Variants in EPC2 observed in about 807,000 individuals in gnomAD.
EPC2 encodes enhancer of polycomb homolog 2.
A neutral mutation model predicts 92.1 loss-of-function variants in EPC2; 14 were observed. The observed-to-expected ratio is 0.15, with a 90% confidence interval of 0.10 to 0.24. EPC2 has a LOEUF of 0.24. Among genes scored for constraint, EPC2 ranks in the 10% least tolerant of loss-of-function variants. The pLI, the probability that EPC2 is intolerant of heterozygous loss-of-function variation, is 1.00. For synonymous variants in EPC2, 340 were observed against 334.7 expected (o/e 1.02, Z -0.17); for missense variants, 755 against 971.5 (o/e 0.78, Z 2.96).
chr2:148,763,535 A>G (rs1164511414), intron 6 of EPC2, among the ~76,000 whole-genome samples: 2 of 152,216 alleles, frequency 1.3e-5, no homozygotes, highest in Non-Finnish European at 2.9e-5. Context: ...AAATTTTTTA[A>G]ATGACCTAGG....
At chr2:148,763,983 T>G (rs1041169402) in intron 6 of EPC2, among the ~76,000 whole-genome samples, 7 of 152,224 alleles carry the variant, frequency 4.6e-5, no homozygotes, top group Non-Finnish European at 8.8e-5. Flanking sequence ...TTGCATCCAT[T>G]GTTGTCCTAC....
intron 2 of EPC2, among the ~76,000 whole-genome samples, chr2:148,729,310 G>A (rs942253732): frequency 3.3e-5 from 5 of 152,042 alleles, no homozygotes; most frequent in African/African-American, 1.2e-4. Flanking sequence ...ATACCTCAGA[G>A]TAGTATTTTT....
At chr2:148,770,192 A>G (rs1208622928) in intron 8 of EPC2, among the ~76,000 whole-genome samples, 1 of 152,058 alleles carries the variant, frequency 6.6e-6, no homozygotes, top group Non-Finnish European at 1.5e-5. Flanking sequence ...GGCGCATACC[A>G]CTACATGCTG....
At chr2:148,753,846 A>C in intron 3 of EPC2, 81 bp from the exon 4 acceptor site, 3 of 1,243,464 alleles carry the variant, frequency 2.4e-6, no homozygotes, top group Non-Finnish European at 3.3e-6. Context: ...AACTGGTCGC[A>C]TTTTTTTCTA....
At chr2:148,747,637 C>CT (rs1683010613) in intron 3 of EPC2, among the ~76,000 whole-genome samples, 1 of 152,044 alleles carries the variant, frequency 6.6e-6, no homozygotes, top group Admixed American at 6.6e-5. Context: ...TTAAGGTTAC[C>CT]AGTGGTCTCC....
At chr2:148,669,239 C>T (rs1681109536) in intron 1 of EPC2, among the ~76,000 whole-genome samples, 1 of 152,008 alleles carries the variant, frequency 6.6e-6, no homozygotes, top group South Asian at 2.1e-4. Flanking sequence ...GGTTTTGTTC[C>T]CCTCTCCCTC....
intron 1 of EPC2, among the ~76,000 whole-genome samples, chr2:148,666,970 ACT>A (rs1681068788): frequency 6.6e-6 from 1 of 151,968 alleles, no homozygotes; most frequent in Non-Finnish European, 1.5e-5. Context: ...ATAAGTCTAA[ACT>A]CTCTTAGAGT....
At chr2:148,773,682 G>GA (rs1244081230) in intron 10 of EPC2, among the ~76,000 whole-genome samples, 1 of 151,872 alleles carries the variant, frequency 6.6e-6, no homozygotes, top group African/African-American at 2.4e-5. Flanking sequence ...AATACATAAT[G>GA]AAAAAAGTTT....
intron 2 of EPC2, among the ~76,000 whole-genome samples, chr2:148,702,868 T>A (rs531866003): frequency 6.6e-6 from 1 of 152,258 alleles, no homozygotes; most frequent in East Asian, 1.9e-4. Flanking sequence ...CAGGCTATCA[T>A]TAGTGTATTT....
chr2:148,678,275 T>C (rs1574576837), intron 1 of EPC2, among the ~76,000 whole-genome samples: 1 of 152,180 alleles, frequency 6.6e-6, no homozygotes, highest in African/African-American at 2.4e-5. Flanking sequence ...GTATTTACAA[T>C]CCCTGAGCTA....
chr2:148,729,481 C>G lies in EPC2; in HGVS notation c.314-14141C>G, dbSNP rs1006763180. 5.9e-5 allele frequency among the ~76,000 whole-genome samples: 9 copies of G among 152,058 alleles called. No homozygotes were observed. In the East Asian group the frequency reaches 1.5e-3, roughly 26 times the overall value. ...AGAAGTACATTATTATTAACTAAAC[C>G]CCAGACTTTACTTGAATTTCTCTCA... is the stretch of plus-strand genomic sequence containing the variant. On this transcript the variant is annotated intron_variant, in intron 2 of 13. Coordinates refer to ENST00000258484, the MANE Select transcript of EPC2 (RefSeq NM_015630.4).
At chr2:148,667,452 GA>G (rs1367571745) in intron 1 of EPC2, among the ~76,000 whole-genome samples, 1 of 152,174 alleles carries the variant, frequency 6.6e-6, no homozygotes, top group Non-Finnish European at 1.5e-5. Context: ...AATTACAGTA[GA>G]TTTTTTTGTG....
At position 148,674,576 on chromosome 2, in the gene EPC2, C is replaced by T. The variant is rs560252562; in HGVS notation, c.154-15638C>T. ...TGAGCCCAATTCTGTTCTCAGTGGACCCCAGGTATCCAAAGTATACCAGTC... is the reference window on the plus strand; with the variant it reads ...TGAGCCCAATTCTGTTCTCAGTGGATCCCAGGTATCCAAAGTATACCAGTC... On this transcript the variant is annotated intron_variant, in intron 1 of 13. Transcript: ENST00000258484. Among the ~76,000 whole-genome samples, 17 of 152,286 alleles carry T rather than the reference C, an allele frequency of 1.1e-4. No homozygotes were observed. The South Asian group carries it at 3.3e-3, about 30-fold the overall frequency.
At chr2:148,661,551 G>C (rs1329009105) in intron 1 of EPC2, among the ~76,000 whole-genome samples, 1 of 152,138 alleles carries the variant, frequency 6.6e-6, no homozygotes, top group Non-Finnish European at 1.5e-5. Flanking sequence ...GTGTTAAATA[G>C]TAGTGGAGAT....
intron 3 of EPC2, among the ~76,000 whole-genome samples, chr2:148,748,006 G>T (rs1403842386): frequency 1.3e-5 from 2 of 152,100 alleles, no homozygotes. Flanking sequence ...GTGATCTCCA[G>T]TGTTTGTGGA....
At chr2:148,681,706 G>T (rs1681400933) in intron 1 of EPC2, among the ~76,000 whole-genome samples, 1 of 151,904 alleles carries the variant, frequency 6.6e-6, no homozygotes, top group South Asian at 2.1e-4. Flanking sequence ...AGGTTTGTTT[G>T]TTTGTTTGTT....
chr2:148,676,777 GCTCTCT>G (rs10559609), intron 1 of EPC2, among the ~76,000 whole-genome samples: 32,005 of 144,716 alleles, frequency 0.22, 4,259 homozygotes, highest in East Asian at 0.52. Context: ...ACATTTAGGT[GCTCTCT>G]CTCTCTCTCT....
intron 10 of EPC2, among the ~76,000 whole-genome samples, chr2:148,774,115 C>T (rs1168867914): frequency 3.3e-5 from 5 of 152,104 alleles, no homozygotes; most frequent in Non-Finnish European, 7.4e-5. Context: ...CTGAATTGTC[C>T]ATTTCACAGC....
intron 10 of EPC2, among the ~76,000 whole-genome samples, chr2:148,773,407 T>C (rs1347426660): frequency 1.3e-5 from 2 of 152,138 alleles, no homozygotes; most frequent in African/African-American, 2.4e-5. Flanking sequence ...TGATTTTTCC[T>C]ATCTAAAATT....
Sources: gnomAD v4.1 joint callset for allele counts (sites outside exome capture counted in the v4.1 genomes callset) on GRCh38, gnomAD v4.1.1 for gene constraint, MANE v1.5 for transcripts, NCBI Gene and HGNC (gene_info 2026-07-23, HGNC 2026-07-21) for gene names.